Variants in PDZRN4 observed in about 807,000 individuals in gnomAD.
PDZRN4 encodes PDZ domain-containing RING finger protein 4.
In PDZRN4, 70 loss-of-function variants were observed where a neutral mutation model predicts 99.0. That is an observed-to-expected ratio of 0.71 (90% CI 0.58 to 0.86). PDZRN4 has a LOEUF of 0.86. Among genes scored for constraint, PDZRN4 ranks in the 40% least tolerant of loss-of-function variants. The pLI, the probability that PDZRN4 is intolerant of heterozygous loss-of-function variation, is 0.00. For synonymous variants in PDZRN4, 551 were observed against 501.6 expected, an observed-to-expected ratio of 1.10 and a Z score of -1.32; for missense variants, 1,474 against 1,331.2, an observed-to-expected ratio of 1.11 and a Z score of -1.67.
chr12:41,555,091 C>T (rs1388302972), intron 6 of PDZRN4, among the ~76,000 whole-genome samples: 15 of 146,180 alleles, frequency 1.0e-4, no homozygotes, highest in Non-Finnish European at 1.5e-4. Context: ...ATTAGCCAGG[C>T]GTGGTGGCAG....
At chr12:41,238,600 C>T (rs1246609205) in intron 3 of PDZRN4, among the ~76,000 whole-genome samples, 18 of 151,830 alleles carry the variant, frequency 1.2e-4, no homozygotes, top group East Asian at 3.9e-4. Context: ...AAGACATACA[C>T]GCAGCCAAAA....
intron 3 of PDZRN4, among the ~76,000 whole-genome samples, chr12:41,457,681 G>A (rs1308578065): frequency 1.3e-5 from 2 of 152,228 alleles, no homozygotes; most frequent in Middle Eastern, 3.4e-3. Flanking sequence ...CAGAAACATG[G>A]TATTTGTTTT....
chr12:41,318,429 C>G (rs1036316202), intron 3 of PDZRN4, among the ~76,000 whole-genome samples: 10 of 152,020 alleles, frequency 6.6e-5, no homozygotes, highest in African/African-American at 2.4e-4. Context: ...ATTGGGAAAA[C>G]AAAGAAGAAA....
Position 41,402,675 on chromosome 12 carries a change from A to G in PDZRN4, c.844-103781A>G, listed in dbSNP as rs539104714. On this transcript the variant is annotated intron_variant, in intron 3 of 9. Coordinates refer to ENST00000402685, the MANE Select transcript of PDZRN4 (RefSeq NM_001164595.2). ...ACTGAGTATATACATATATATATAT[A>G]TATATACTGAGTATATACATATATA... Among the ~76,000 whole-genome samples the G allele has an allele frequency of 4.1e-4, 54 of 132,162 alleles. 9 individuals are homozygous for G. The highest frequency in any genetic ancestry group is 4.5e-3 in the Middle Eastern group (1 of 222). 86.7% of individuals were successfully genotyped at this position (132,162 alleles called of 152,430 possible).
intron 1 of PDZRN4, 146 bp from the exon 2 acceptor site, chr12:41,191,312 C>A (rs916346928): frequency 3.4e-6 from 2 of 589,830 alleles, no homozygotes; most frequent in Non-Finnish European, 5.9e-6. Context: ...AAAATGTCAA[C>A]CTTCTGCCAC....
At chr12:41,207,025 C>T (rs376073908) in intron 3 of PDZRN4, among the ~76,000 whole-genome samples, 2 of 151,938 alleles carry the variant, frequency 1.3e-5, no homozygotes, top group African/African-American at 4.8e-5. Flanking sequence ...CACTGTGTTA[C>T]AAATCCTTTC....
intron 3 of PDZRN4, among the ~76,000 whole-genome samples, chr12:41,353,858 G>A (rs545331209): frequency 5.8e-4 from 89 of 152,198 alleles, no homozygotes; most frequent in Non-Finnish European, 1.1e-3. Flanking sequence ...AAGTGCAAGA[G>A]TTTAGGATGA....
chr12:41,395,342 T>C (rs954568929), intron 3 of PDZRN4, among the ~76,000 whole-genome samples: 2 of 152,044 alleles, frequency 1.3e-5, no homozygotes, highest in African/African-American at 4.8e-5. Context: ...ATGGGAGAAA[T>C]GGGAGACATA....
At chr12:41,247,520 A>G (rs1234525774) in intron 3 of PDZRN4, among the ~76,000 whole-genome samples, 1 of 152,174 alleles carries the variant, frequency 6.6e-6, no homozygotes, top group African/African-American at 2.4e-5. Flanking sequence ...TTATGTGATG[A>G]ACAAATATTC....
chr12:41,533,321 A>G lies in PDZRN4; in HGVS notation c.1204-19335A>G, dbSNP rs285552. ...TCCTGAGTAGCTGGGATTACAGGCG[A>G]GTGCCACCACACCTGGCTACTTTTT... is the stretch of plus-strand genomic sequence containing the variant. On this transcript the variant is annotated intron_variant, in intron 5 of 9. Transcript: ENST00000402685. Among the ~76,000 whole-genome samples the G allele has an allele frequency of 2.0e-5, 3 of 151,502 alleles. No individual in the cohort carries two copies. In the South Asian group the frequency reaches 6.3e-4, roughly 32 times the overall value.
At chr12:41,568,745 A>G (rs1939423512) in intron 9 of PDZRN4, among the ~76,000 whole-genome samples, 1 of 151,894 alleles carries the variant, frequency 6.6e-6, no homozygotes, top group Non-Finnish European at 1.5e-5. Flanking sequence ...GCCTGATATA[A>G]TTTTGTTTTC....
At position 41,477,975 on chromosome 12, in the gene PDZRN4, C is replaced by T. The variant is rs185565643; in HGVS notation, c.844-28481C>T. 5,086 of 1,096,556 alleles carry T rather than the reference C, an allele frequency of 4.6e-3. 17 individuals are homozygous for T. The highest frequency in any genetic ancestry group is 5.9e-3 in the Non-Finnish European group (4,377 of 746,388). The allele number at this position is 1,096,556 out of a possible 1,614,324, so 67.9% of individuals were successfully genotyped here. On this transcript the variant is annotated intron_variant, in intron 3 of 9. Transcript: ENST00000402685. Reference sequence around the variant, plus strand: ...TATTATTCTCTTGCTTATCAGTGAGCGAATTAATCTACATGATATAGATAA... The same window carrying T: ...TATTATTCTCTTGCTTATCAGTGAGTGAATTAATCTACATGATATAGATAA...
chr12:41,278,010 T>C (rs1951360705), intron 3 of PDZRN4, among the ~76,000 whole-genome samples: 1 of 152,208 alleles, frequency 6.6e-6, no homozygotes. Flanking sequence ...AAGCCAATTA[T>C]GCTAATGACG....
At chr12:41,466,248 A>T (rs549828956) in intron 3 of PDZRN4, among the ~76,000 whole-genome samples, 117 of 152,292 alleles carry the variant, frequency 7.7e-4, no homozygotes, top group African/African-American at 2.8e-3. Context: ...TTTAAGGGCT[A>T]TCACTCAGGG....
rs75424212 is a variant in PDZRN4 at position 41,561,089 on chromosome 12, T to C, written c.1366-2459T>C. On this transcript the variant is annotated intron_variant, in intron 7 of 9. Coordinates refer to ENST00000402685, the MANE Select transcript of PDZRN4 (RefSeq NM_001164595.2). ...GACCATAGCTCTGGTCATAATGAGT[T>C]CTCAGGGGAGAGAAATGAATACCAA... 4.6e-3 allele frequency among the ~76,000 whole-genome samples: 701 copies of C among 152,172 alleles called. 12 individuals carry two copies. The highest frequency in any genetic ancestry group is 0.016 in the African/African-American group (667 of 41,506).
intron 3 of PDZRN4, among the ~76,000 whole-genome samples, chr12:41,214,451 G>T (rs1374397953): frequency 2.3e-3 from 113 of 49,636 alleles, no homozygotes; most frequent in East Asian, 0.017. Context: ...AAAAAAAAAA[G>T]TTATCTATTT....
chr12:41,264,017 G>T (rs898456606), intron 3 of PDZRN4, among the ~76,000 whole-genome samples: 1 of 151,944 alleles, frequency 6.6e-6, no homozygotes, highest in Non-Finnish European at 1.5e-5. Context: ...TTCAATTTCA[G>T]CAATATTTGA....
At chr12:41,308,229 G>A (rs1951584664) in intron 3 of PDZRN4, among the ~76,000 whole-genome samples, 2 of 151,928 alleles carry the variant, frequency 1.3e-5, no homozygotes, top group African/African-American at 4.8e-5. Flanking sequence ...TAATATACGT[G>A]TTTTTGAGAA....
chr12:41,276,427 A>C lies in PDZRN4; in HGVS notation c.843+82239A>C, dbSNP rs537818969. Among the ~76,000 whole-genome samples, 147 of 152,280 alleles carry C rather than the reference A, an allele frequency of 9.7e-4. 1 individual carries two copies. Among genetic ancestry groups the C allele is most frequent in the African/African-American group, 3.4e-3 (143 of 41,564 alleles). On this transcript the variant is annotated intron_variant, in intron 3 of 9. Coordinates refer to ENST00000402685, the MANE Select transcript of PDZRN4 (RefSeq NM_001164595.2). Reference sequence around the variant, plus strand: ...ACCCTGGCCTCAGATAGATTCAGATAGACCTGGGGATTATTTTATACACGT... The same window carrying C: ...ACCCTGGCCTCAGATAGATTCAGATCGACCTGGGGATTATTTTATACACGT...
Sources: allele counts gnomAD v4.1 joint callset (sites outside exome capture counted in the v4.1 genomes callset), GRCh38; gene constraint gnomAD v4.1.1; transcripts MANE v1.5; gene names NCBI Gene and HGNC (gene_info 2026-07-23, HGNC 2026-07-21).